Variants in CADPS observed in about 807,000 individuals in gnomAD.
CADPS encodes the protein calcium-dependent secretion activator 1.
CADPS carries 57 observed loss-of-function variants against 167.3 expected under a neutral mutation model. The ratio of observed to expected loss-of-function variants is 0.34; its 90% CI spans 0.28 to 0.42. CADPS has a LOEUF of 0.42. Ranked by LOEUF, CADPS falls within the 20% of genes least tolerant of loss-of-function variation. The probability of loss-of-function intolerance (pLI) is 1.00; values close to 1 mark genes in which losing one functional copy is unlikely to be tolerated. For synonymous variants in CADPS, 676 were observed against 635.3 expected (o/e 1.06, Z -0.96); for missense variants, 1,414 against 1,738.1 (o/e 0.81, Z 3.32).
chr3:62,852,301 T>C (rs2153109057), intron 1 of CADPS, among the ~76,000 whole-genome samples: 1 of 152,288 alleles, frequency 6.6e-6, no homozygotes, highest in Non-Finnish European at 1.5e-5. Flanking sequence ...CATCCAGCTT[T>C]GTTCCGTTGC....
intron 6 of CADPS, among the ~76,000 whole-genome samples, chr3:62,596,235 G>T (rs2058923484): frequency 1.4e-5 from 2 of 146,212 alleles, no homozygotes; most frequent in South Asian, 2.1e-4. Flanking sequence ...TCGTTCTGTT[G>T]CCCAGGCTGG....
intron 21 of CADPS, among the ~76,000 whole-genome samples, chr3:62,487,605 C>T (rs1012461257): frequency 4.6e-5 from 7 of 152,212 alleles, no homozygotes; most frequent in East Asian, 1.9e-4. Flanking sequence ...TCTGGCTTAA[C>T]GGAAACAGAG....
chr3:62,476,566 A>C (rs2061355001), intron 23 of CADPS, among the ~76,000 whole-genome samples: 1 of 151,602 alleles, frequency 6.6e-6, no homozygotes, highest in Admixed American at 6.6e-5. Flanking sequence ...AAAAAGATCC[A>C]CTCCCTGGCT....
chr3:62,550,156 G>T, intron 10 of CADPS, 41 bp from the exon 11 acceptor site: 2 of 1,521,718 alleles, frequency 1.3e-6, no homozygotes, highest in Non-Finnish European at 1.8e-6. Flanking sequence ...AAGCTGAGCT[G>T]TGATGTTCTC....
intron 1 of CADPS, among the ~76,000 whole-genome samples, chr3:62,789,980 T>C (rs1017787523): frequency 2.0e-5 from 3 of 152,138 alleles, no homozygotes; most frequent in African/African-American, 7.2e-5. Context: ...TAGTCCATGC[T>C]CTCAGGGAGT....
At chr3:62,586,824 C>T (rs903826277) in intron 7 of CADPS, among the ~76,000 whole-genome samples, 2 of 152,068 alleles carry the variant, frequency 1.3e-5, no homozygotes, top group South Asian at 2.1e-4. Context: ...AATATATTAC[C>T]TTATCACATA....
chr3:62,507,975 G>GA (rs1212474228), intron 17 of CADPS, among the ~76,000 whole-genome samples: 1 of 152,108 alleles, frequency 6.6e-6, no homozygotes, highest in South Asian at 2.1e-4. Context: ...ACCTTTTATA[G>GA]AAAATAAAAG....
chr3:62,603,193 C>T (rs2060210541), intron 6 of CADPS, among the ~76,000 whole-genome samples: 1 of 152,206 alleles, frequency 6.6e-6, no homozygotes, highest in Non-Finnish European at 1.5e-5. Flanking sequence ...CATGAGCACA[C>T]TCAATAGGCA....
At chr3:62,441,233 G>C (rs1576095174) in intron 27 of CADPS, 1 of 152,094 alleles carries the variant, frequency 6.6e-6, no homozygotes, top group Non-Finnish European at 1.5e-5. Context: ...AATGTGGCTT[G>C]GACAGACTGA....
intron 3 of CADPS, among the ~76,000 whole-genome samples, chr3:62,699,728 C>A (rs893004461): frequency 3.9e-5 from 6 of 151,930 alleles, no homozygotes; most frequent in Non-Finnish European, 1.5e-5. Flanking sequence ...GCCACCACAC[C>A]CGGCTAATTT....
rs1291171370 is a variant in CADPS at position 62,602,800 on chromosome 3, C to T, written c.1326-10052G>A. Among the ~76,000 whole-genome samples, 2 of 152,132 alleles carry T rather than the reference C, an allele frequency of 1.3e-5. No individual in the cohort carries two copies. Among genetic ancestry groups the T allele is most frequent in the Non-Finnish European group, 2.9e-5 (2 of 68,014 alleles). On this transcript the variant is annotated intron_variant, in intron 6 of 29. Coordinates refer to ENST00000383710, the MANE Select transcript of CADPS (RefSeq NM_003716.4). This position sits in a 1 kb window ranked among gnomAD's most constrained non-coding sequence, Gnocchi z 4.4. Reference sequence around the variant, plus strand: ...GAGATCAAATGTGTCCAAACCTCAGCTTGATCTCTTCTCCCTCACATCTGT... The same window carrying T: ...GAGATCAAATGTGTCCAAACCTCAGTTTGATCTCTTCTCCCTCACATCTGT...
intron 1 of CADPS, among the ~76,000 whole-genome samples, chr3:62,768,565 C>T (rs1321803129): frequency 6.6e-6 from 1 of 152,052 alleles, no homozygotes; most frequent in African/African-American, 2.4e-5. Flanking sequence ...TATAGATCAC[C>T]CACACTCTGC....
intron 26 of CADPS, among the ~76,000 whole-genome samples, chr3:62,462,914 G>A (rs2059535891): frequency 6.6e-6 from 1 of 152,176 alleles, no homozygotes; most frequent in Non-Finnish European, 1.5e-5. Flanking sequence ...CTCTAATACT[G>A]GAATACTGGC....
At chr3:62,434,139 T>C (rs2054518093) in intron 28 of CADPS, among the ~76,000 whole-genome samples, 1 of 152,236 alleles carries the variant, frequency 6.6e-6, no homozygotes, top group Non-Finnish European at 1.5e-5. Flanking sequence ...CTACTTGAAT[T>C]CATTGTTTTT....
intron 24 of CADPS, chr3:62,470,715 G>A: frequency 6.6e-6 from 1 of 152,118 alleles, no homozygotes; most frequent in Non-Finnish European, 1.5e-5. Flanking sequence ...AAGGAAAAAT[G>A]TCACGAAAGA....
At chr3:62,700,843 A>G (rs2081258360) in intron 3 of CADPS, among the ~76,000 whole-genome samples, 1 of 152,136 alleles carries the variant, frequency 6.6e-6, no homozygotes, top group African/African-American at 2.4e-5. Flanking sequence ...TGCTATCACA[A>G]AATACCATAG....
chr3:62,685,862 A>C (rs990466096), intron 3 of CADPS, among the ~76,000 whole-genome samples: 4 of 152,102 alleles, frequency 2.6e-5, no homozygotes, highest in Admixed American at 2.6e-4. Flanking sequence ...CAGGAGGTGG[A>C]GCTCAGGCAG....
intron 24 of CADPS, among the ~76,000 whole-genome samples, chr3:62,468,806 T>C (rs957505159): frequency 4.6e-5 from 7 of 152,246 alleles, no homozygotes; most frequent in African/African-American, 7.2e-5. Flanking sequence ...TATTTTGATA[T>C]GATTATTCTG....
At chr3:62,681,252 CAA>C (rs2077119220) in intron 3 of CADPS, among the ~76,000 whole-genome samples, 1 of 152,066 alleles carries the variant, frequency 6.6e-6, no homozygotes, top group Non-Finnish European at 1.5e-5. Flanking sequence ...GCCTGTCTCT[CAA>C]AGACTCTTCT....
Sources: allele counts gnomAD v4.1 joint callset (sites outside exome capture counted in the v4.1 genomes callset), GRCh38; gene constraint gnomAD v4.1.1; non-coding constraint Gnocchi (gnomAD v3.1); transcripts MANE v1.5; gene names NCBI Gene and HGNC (gene_info 2026-07-23, HGNC 2026-07-21).